IL1RAPL2: variants seen among roughly 807,000 people sequenced by gnomAD.
The protein encoded by IL1RAPL2 is interleukin 1 receptor accessory protein like 2, also known as X-linked interleukin-1 receptor accessory protein-like 2.
In IL1RAPL2, 3 loss-of-function variants were observed where a neutral mutation model predicts 44.1. The observed-to-expected ratio is 0.07, with a 90% CI of 0.03 to 0.18. IL1RAPL2 has a LOEUF of 0.18. IL1RAPL2 is among the 10% of genes least tolerant of loss of function. The pLI, the probability that IL1RAPL2 is intolerant of heterozygous loss-of-function variation, is 1.00. For missense variants in IL1RAPL2, 391 were observed against 496.4 expected, an observed-to-expected ratio of 0.79 and a Z score of 2.02; for synonymous variants, 181 against 178.8, an observed-to-expected ratio of 1.01 and a Z score of -0.10.
At position 105,420,645 on chromosome X, in the gene IL1RAPL2, A is replaced by G. The variant is rs1463367905; in HGVS notation, c.698-63668A>G. Among the ~76,000 whole-genome samples, 5 of 112,190 alleles carry G rather than the reference A, an allele frequency of 4.5e-5. No homozygotes were observed. In the East Asian group the frequency reaches 1.4e-3, roughly 32 times the overall value. On this transcript the variant is annotated intron_variant, in intron 5 of 10. Transcript: ENST00000372582. ...AAATATCCACAGGTTTATGTCCCTC[A>G]ATTAGTAGCTATGCTGGATTGAGCT...
intron 2 of IL1RAPL2, among the ~76,000 whole-genome samples, chrX:104,909,414 G>C (rs1243307232): frequency 1.8e-5 from 2 of 111,886 alleles, no homozygotes; most frequent in African/African-American, 6.5e-5. Flanking sequence ...GAGGAGGAGA[G>C]GTGCTCTGCT....
At chrX:104,959,713 G>A (rs1231214749) in intron 2 of IL1RAPL2, among the ~76,000 whole-genome samples, 1 of 110,845 alleles carries the variant, frequency 9.0e-6, no homozygotes, top group African/African-American at 3.3e-5. Flanking sequence ...ACAGCAAAGG[G>A]CCTTACCCCT....
intron 2 of IL1RAPL2, among the ~76,000 whole-genome samples, chrX:104,810,248 A>C (rs1290482513): frequency 9.2e-6 from 1 of 108,322 alleles, no homozygotes; most frequent in Non-Finnish European, 1.9e-5. Context: ...GGAACATCAC[A>C]CTCTGGGGAC....
At chrX:105,562,512 AACACACAC>A (rs55720100) in intron 6 of IL1RAPL2, among the ~76,000 whole-genome samples, 12 of 91,598 alleles carry the variant, frequency 1.3e-4, no homozygotes, top group African/African-American at 2.0e-4. Flanking sequence ...ATTGAAAATA[AACACACAC>A]ACACACACAC....
chrX:105,175,679 A>T (rs1395736408), intron 2 of IL1RAPL2, among the ~76,000 whole-genome samples: 2 of 110,235 alleles, frequency 1.8e-5, no homozygotes, highest in South Asian at 3.8e-4. Context: ...GGTTTTTTTT[A>T]AAAAAATACT....
intron 5 of IL1RAPL2, among the ~76,000 whole-genome samples, chrX:105,299,283 C>T (rs971591507): frequency 1.8e-5 from 2 of 111,669 alleles, no homozygotes; most frequent in Non-Finnish European, 3.8e-5. Flanking sequence ...AGTTTTATTG[C>T]CTGATGCACA....
intron 6 of IL1RAPL2, among the ~76,000 whole-genome samples, chrX:105,619,107 T>C (rs1337530508): frequency 9.0e-6 from 1 of 110,920 alleles, no homozygotes; most frequent in East Asian, 2.8e-4. Flanking sequence ...AACTTATACA[T>C]TTCATGTATA....
intron 2 of IL1RAPL2, among the ~76,000 whole-genome samples, chrX:105,017,421 TA>T (rs899287270): frequency 9.0e-6 from 1 of 111,462 alleles, no homozygotes; most frequent in Non-Finnish European, 1.9e-5. Flanking sequence ...TCGGAGATTT[TA>T]AAAAAATACT....
intron 2 of IL1RAPL2, among the ~76,000 whole-genome samples, chrX:104,994,383 T>C (rs2147733323): frequency 9.0e-6 from 1 of 111,459 alleles, no homozygotes; most frequent in African/African-American, 3.3e-5. Flanking sequence ...GAGGAATTGA[T>C]TAAAAAGGGT....
At chrX:105,595,985 C>T (rs1464925559) in intron 6 of IL1RAPL2, among the ~76,000 whole-genome samples, 2 of 111,270 alleles carry the variant, frequency 1.8e-5, no homozygotes, top group African/African-American at 6.5e-5. Context: ...TCATACGCAA[C>T]CATTTTAATA....
chrX:104,733,364 G>A (rs1931957385), intron 2 of IL1RAPL2, among the ~76,000 whole-genome samples: 1 of 110,811 alleles, frequency 9.0e-6, no homozygotes, highest in Admixed American at 9.7e-5. Flanking sequence ...GGCCGAGGTG[G>A]GCGGATTGCC....
intron 3 of IL1RAPL2, among the ~76,000 whole-genome samples, chrX:105,217,833 G>C (rs1212295041): frequency 1.8e-5 from 2 of 111,624 alleles, no homozygotes; most frequent in African/African-American, 6.5e-5. Flanking sequence ...ATCATTCTCA[G>C]CAAATACAGG....
At chrX:104,915,123 T>C (rs867132545) in intron 2 of IL1RAPL2, among the ~76,000 whole-genome samples, 3 of 111,707 alleles carry the variant, frequency 2.7e-5, no homozygotes, top group African/African-American at 9.8e-5. Context: ...TAGTTCTAGA[T>C]CCCCGAGGAA....
At chrX:105,139,750 T>C (rs1460210189) in intron 2 of IL1RAPL2, among the ~76,000 whole-genome samples, 1 of 112,191 alleles carries the variant, frequency 8.9e-6, no homozygotes, top group Non-Finnish European at 1.9e-5. Flanking sequence ...TTCCAACTAC[T>C]ACCAAATTGG....
At chrX:104,690,387 C>T (rs1931071537) in intron 2 of IL1RAPL2, among the ~76,000 whole-genome samples, 1 of 112,347 alleles carries the variant, frequency 8.9e-6, no homozygotes, top group Non-Finnish European at 1.9e-5. Flanking sequence ...CTTAGTTTCC[C>T]TGGCAGAAAG....
intron 6 of IL1RAPL2, among the ~76,000 whole-genome samples, chrX:105,632,155 C>T (rs2037496208): frequency 9.0e-6 from 1 of 111,152 alleles, no homozygotes; most frequent in Non-Finnish European, 1.9e-5. Context: ...ACACCGGACC[C>T]TGACCTTCAG....
chrX:105,489,772 CTTT>C (rs377121996), intron 6 of IL1RAPL2, among the ~76,000 whole-genome samples: 1 of 60,737 alleles, frequency 1.6e-5, no homozygotes. Flanking sequence ...TTCTTTCTTT[CTTT>C]TCTTTCTCTC....
At chrX:105,093,233 C>A (rs1235894933) in intron 2 of IL1RAPL2, among the ~76,000 whole-genome samples, 1 of 110,821 alleles carries the variant, frequency 9.0e-6, no homozygotes, top group African/African-American at 3.3e-5. Context: ...ACAAAGGGGC[C>A]TATTTTTTAT....
At chrX:105,175,057 A>G (rs2033460099) in intron 2 of IL1RAPL2, among the ~76,000 whole-genome samples, 1 of 111,689 alleles carries the variant, frequency 9.0e-6, no homozygotes, top group African/African-American at 3.3e-5. Context: ...CATCTGTCTT[A>G]TAAGGTTGTT....
Sources: allele counts gnomAD v4.1 joint callset (sites outside exome capture counted in the v4.1 genomes callset), GRCh38; gene constraint gnomAD v4.1.1; transcripts MANE v1.5; gene names NCBI Gene and HGNC (gene_info 2026-07-23, HGNC 2026-07-21).